The following EYS variants were observed in gnomAD, a reference collection of about 807,000 sequenced individuals.
The protein encoded by EYS is EGF-like photoreceptor maintenance factor.
Under a neutral mutation model 282.1 loss-of-function variants are expected in EYS, and 250 were observed. The observed-to-expected ratio is 0.89, with a 90% CI of 0.80 to 0.98. The LOEUF (loss-of-function observed/expected upper bound fraction) is 0.98, where lower values mean the gene tolerates loss of function less well. Ranked by LOEUF, EYS falls within the 50% of genes least tolerant of loss-of-function variation. EYS has a pLI of 0.00. For synonymous variants in EYS, 1,355 were observed against 1,282.9 expected, an observed-to-expected ratio of 1.06 and a Z score of -1.20; for missense variants, 4,016 against 3,709.0, an observed-to-expected ratio of 1.08 and a Z score of -2.15.
Position 64,853,472 on chromosome 6 carries a change from T to G in EYS, c.2993-30650A>C, listed in dbSNP as rs1177077025. 1.4e-4 allele frequency among the ~76,000 whole-genome samples: 21 copies of G among 152,268 alleles called. No homozygotes were observed. In the East Asian group the frequency reaches 3.7e-3, roughly 27 times the overall value. Reference sequence around the variant, plus strand: ...AGAAGCTTCTGTTATACTTTTTTTGTTCAAATTTGCCTCAACCAATTGAGA... The same window carrying G: ...AGAAGCTTCTGTTATACTTTTTTTGGTCAAATTTGCCTCAACCAATTGAGA... On this transcript the variant is annotated intron_variant, in intron 19 of 42. Coordinates refer to ENST00000503581, the MANE Select transcript of EYS (RefSeq NM_001142800.2).
chr6:64,823,465 A>G (rs911656600), intron 19 of EYS, among the ~76,000 whole-genome samples: 1 of 152,082 alleles, frequency 6.6e-6, no homozygotes, highest in Middle Eastern at 3.4e-3. Context: ...GCAGAGCTTA[A>G]TGGAAAGCAA....
At chr6:64,835,643 C>T (rs368495534) in intron 19 of EYS, among the ~76,000 whole-genome samples, 36 of 151,706 alleles carry the variant, frequency 2.4e-4, no homozygotes, top group African/African-American at 8.0e-4. Context: ...AACATAGCCA[C>T]AGGATAATAT....
chr6:64,013,659 C>T (rs1232631571), intron 33 of EYS, among the ~76,000 whole-genome samples: 1 of 152,090 alleles, frequency 6.6e-6, no homozygotes, highest in South Asian at 2.1e-4. Flanking sequence ...AATCACCACC[C>T]CACCCTTTTT....
intron 31 of EYS, among the ~76,000 whole-genome samples, chr6:64,218,830 G>A (rs1004671884): frequency 1.3e-5 from 2 of 152,172 alleles, no homozygotes; most frequent in African/African-American, 2.4e-5. Context: ...ACTTCTCTTA[G>A]TTGGCAGAAC....
In EYS at chr6:65,404,239, C is replaced by T. The variant is rs1766630734; in HGVS notation, c.1056+935G>A. Among the ~76,000 whole-genome samples, 3 of 152,100 alleles carry T rather than the reference C, an allele frequency of 2.0e-5. No individual in the cohort carries two copies. In the South Asian group the frequency reaches 6.2e-4, roughly 32 times the overall value. ...CTCTGATTCTTCCATCTCTCTCTTCCACTTTAAAGGACCCTTGTGATTACA... is the reference window on the plus strand; with the variant it reads ...CTCTGATTCTTCCATCTCTCTCTTCTACTTTAAAGGACCCTTGTGATTACA... On this transcript the variant is annotated intron_variant, in intron 6 of 42. Transcript: ENST00000503581.
chr6:65,253,701 C>A (rs544353984), intron 12 of EYS, among the ~76,000 whole-genome samples: 1 of 151,714 alleles, frequency 6.6e-6, no homozygotes, highest in Admixed American at 6.6e-5. Flanking sequence ...TCACTGTAGA[C>A]CATAGCTATA....
intron 5 of EYS, among the ~76,000 whole-genome samples, chr6:65,414,304 G>A (rs1767144941): frequency 6.6e-6 from 1 of 152,080 alleles, no homozygotes; most frequent in African/African-American, 2.4e-5. Context: ...AGATTCTATG[G>A]AAAGATTATG....
chr6:65,134,355 T>C (rs1165745680), intron 12 of EYS, among the ~76,000 whole-genome samples: 1 of 152,070 alleles, frequency 6.6e-6, no homozygotes, highest in African/African-American at 2.4e-5. Flanking sequence ...TACATGCCTA[T>C]TAATGACAGA....
At chr6:64,267,078 ATGT>A (rs1244729461) in intron 30 of EYS, among the ~76,000 whole-genome samples, 3 of 152,174 alleles carry the variant, frequency 2.0e-5, no homozygotes, top group Admixed American at 2.0e-4. Context: ...AACTGAAAAA[ATGT>A]TGTTTTACAT....
At chr6:65,178,150 C>A (rs573451390) in intron 12 of EYS, among the ~76,000 whole-genome samples, 1 of 152,042 alleles carries the variant, frequency 6.6e-6, no homozygotes, top group East Asian at 2.0e-4. Flanking sequence ...CTCACATGCA[C>A]CCAAGCATCT....
At chr6:65,694,784 A>T (rs1276163996) in intron 1 of EYS, among the ~76,000 whole-genome samples, 4 of 137,964 alleles carry the variant, frequency 2.9e-5, no homozygotes, top group Non-Finnish European at 6.4e-5. Context: ...AGCCATTTAT[A>T]TTTGTCCATA....
At chr6:65,614,282 G>A (rs1222593259) in intron 2 of EYS, among the ~76,000 whole-genome samples, 1 of 151,908 alleles carries the variant, frequency 6.6e-6, no homozygotes, top group East Asian at 1.9e-4. Context: ...TTGCTACACT[G>A]TACTTCACCA....
chr6:64,323,159 G>T (rs1181668092), intron 29 of EYS, among the ~76,000 whole-genome samples: 1 of 150,610 alleles, frequency 6.6e-6, no homozygotes. Context: ...AGAATAATTT[G>T]TCACCCCAAA....
intron 30 of EYS, among the ~76,000 whole-genome samples, chr6:64,303,571 G>A (rs559284630): frequency 4.6e-5 from 7 of 152,048 alleles, no homozygotes; most frequent in East Asian, 1.9e-4. Flanking sequence ...AGCCGGGCGC[G>A]GTGGCTCACG....
At chr6:65,694,280 AAT>A (rs1196131128) in intron 1 of EYS, among the ~76,000 whole-genome samples, 2 of 147,900 alleles carry the variant, frequency 1.4e-5, no homozygotes, top group South Asian at 2.2e-4. Context: ...AAAATAAAAA[AAT>A]ATATATATAT....
intron 29 of EYS, among the ~76,000 whole-genome samples, chr6:64,343,804 T>C (rs1244255020): frequency 6.6e-5 from 10 of 151,788 alleles, no homozygotes; most frequent in African/African-American, 2.4e-4. Context: ...ATTGATAGAC[T>C]GCTAGCCAGA....
chr6:64,504,592 G>A (rs935983684), intron 26 of EYS, among the ~76,000 whole-genome samples: 34 of 152,148 alleles, frequency 2.2e-4, no homozygotes, highest in African/African-American at 8.0e-4. Flanking sequence ...AAAAGCTGAC[G>A]CTATGAGGAG....
At chr6:64,836,631 G>A (rs1486082050) in intron 19 of EYS, among the ~76,000 whole-genome samples, 1 of 151,244 alleles carries the variant, frequency 6.6e-6, no homozygotes, top group African/African-American at 2.4e-5. Flanking sequence ...ATTTTCTATT[G>A]AAAATAGCAA....
rs1433889404 is a variant in EYS at position 63,806,184 on chromosome 6, T to C, written c.7411+6A>G. Reference sequence around the variant, plus strand: ...GGCAAGTCCTAGAGGGTTCAGTTAATCTTACCATGGCCTTTCTGTCCAGTA... The same window carrying C: ...GGCAAGTCCTAGAGGGTTCAGTTAACCTTACCATGGCCTTTCTGTCCAGTA... On this transcript the variant is annotated splice_donor_region_variant and intron_variant, in intron 37 of 42. Coordinates refer to ENST00000503581, the MANE Select transcript of EYS (RefSeq NM_001142800.2). 6.4e-7 allele frequency: 1 copy of C among 1,550,418 alleles called. No individual in the cohort carries two copies. The highest frequency in any genetic ancestry group is 1.4e-5 in the African/African-American group (1 of 73,032).
Sources: gnomAD v4.1 joint callset for allele counts (sites outside exome capture counted in the v4.1 genomes callset) on GRCh38, gnomAD v4.1.1 for gene constraint, MANE v1.5 for transcripts, NCBI Gene and HGNC (gene_info 2026-07-23, HGNC 2026-07-21) for gene names.